SLCO2B1: variants seen among roughly 807,000 people sequenced by gnomAD.
The protein encoded by SLCO2B1 is OATP-RP2.
In SLCO2B1, 41 loss-of-function variants were observed where a neutral mutation model predicts 67.3. That is an observed-to-expected ratio of 0.61 (90% CI 0.47 to 0.79). The LOEUF (loss-of-function observed/expected upper bound fraction) is 0.79. Among genes scored for constraint, SLCO2B1 ranks in the 30% least tolerant of loss-of-function variants. The pLI is 0.00. For synonymous variants in SLCO2B1, 379 were observed against 381.4 expected, an observed-to-expected ratio of 0.99 and a Z score of 0.07; for missense variants, 837 against 920.1, an observed-to-expected ratio of 0.91 and a Z score of 1.17.
intron 1 of SLCO2B1, among the ~76,000 whole-genome samples, chr11:75,161,379 C>A (rs1304435509): frequency 6.6e-6 from 1 of 152,168 alleles, no homozygotes; most frequent in Non-Finnish European, 1.5e-5. Flanking sequence ...AGTTGTATGG[C>A]TTTGTAAATG....
intron 10 of SLCO2B1, among the ~76,000 whole-genome samples, chr11:75,197,826 C>G (rs1356991157): frequency 6.6e-6 from 1 of 152,210 alleles, no homozygotes; most frequent in Non-Finnish European, 1.5e-5. Context: ...GCAATGTAAT[C>G]AGCAGCAGTG....
intron 1 of SLCO2B1, among the ~76,000 whole-genome samples, chr11:75,161,052 A>G (rs1949813961): frequency 6.6e-6 from 1 of 152,222 alleles, no homozygotes; most frequent in South Asian, 2.1e-4. Context: ...ATTGTATATG[A>G]ACATATGACC....
chr11:75,184,667 C>G (rs1024101086), intron 7 of SLCO2B1, among the ~76,000 whole-genome samples: 1 of 152,164 alleles, frequency 6.6e-6, no homozygotes, highest in Non-Finnish European at 1.5e-5. Flanking sequence ...GGAGCCCAGC[C>G]TCCCTAAGTC....
chr11:75,155,471 T>C (rs909154605), intron 1 of SLCO2B1, among the ~76,000 whole-genome samples: 7 of 152,224 alleles, frequency 4.6e-5, no homozygotes, highest in African/African-American at 1.7e-4. Context: ...CTTGTTCTTT[T>C]ATTGAGACGG....
intron 7 of SLCO2B1, among the ~76,000 whole-genome samples, chr11:75,175,042 G>A (rs190691075): frequency 2.0e-5 from 3 of 152,322 alleles, no homozygotes. Context: ...TTTAAGAGCT[G>A]TGTCTCTATG....
intron 7 of SLCO2B1, among the ~76,000 whole-genome samples, chr11:75,177,290 G>A (rs1489323132): frequency 6.6e-6 from 1 of 152,188 alleles, no homozygotes; most frequent in African/African-American, 2.4e-5. Flanking sequence ...AAAGGGTTCT[G>A]TTCCTAAAAA....
rs1027104068 is a variant in SLCO2B1, at chr11:75,163,994, T to A, written c.179T>A (p.Leu60Gln). The A allele has an allele frequency of 3.9e-5, 62 of 1,604,552 alleles. No homozygotes were observed. Among genetic ancestry groups the A allele is most frequent in the Non-Finnish European group, 5.3e-5 (62 of 1,175,708 alleles). Residue 60 changes from leucine to glutamine, a missense_variant, in exon 3 of 14, where the codon CTG becomes CAG. Coordinates refer to ENST00000289575, the MANE Select transcript of SLCO2B1 (RefSeq NM_007256.5). ...GTTCTGTGCCACAGCCTGCTGCAGC[T>A]GGCGCAGCTCATGATCTCCGGCTAC... Reference protein sequence around the residue: ...LFVLCHSLLQLAQLMISGYLK... With the variant: ...LFVLCHSLLQQAQLMISGYLK...
chr11:75,157,886 G>A (rs1949766042), intron 1 of SLCO2B1, among the ~76,000 whole-genome samples: 1 of 152,102 alleles, frequency 6.6e-6, no homozygotes, highest in Admixed American at 6.6e-5. Context: ...TACTGGGCTT[G>A]GTAATTCTCC....
At chr11:75,181,215 G>A (rs1347946327) in intron 7 of SLCO2B1, among the ~76,000 whole-genome samples, 5 of 151,522 alleles carry the variant, frequency 3.3e-5, no homozygotes, top group Non-Finnish European at 5.9e-5. Flanking sequence ...CTAAAAATAC[G>A]AAAAATTAGC....
At chr11:75,181,974 C>G (rs1950096936) in intron 7 of SLCO2B1, among the ~76,000 whole-genome samples, 1 of 152,220 alleles carries the variant, frequency 6.6e-6, no homozygotes, top group South Asian at 2.1e-4. Context: ...TCCCAATAGC[C>G]ACAGAATATA....
Position 75,193,243 on chromosome 11 carries a change from C to T in SLCO2B1, c.1101C>T (p.Thr367=). ...TCTTCCCCAGGGTGCTGCTGCAGAC[C>T]CTACGCCACCCCATCTTCCTGCTGG... is the stretch of plus-strand genomic sequence containing the variant. ...IKVFPRVLLQ[T]LRHPIFLLVV... Residue 367 remains threonine, a synonymous_variant, in exon 9 of 14, where the codon ACC becomes ACT. Transcript: ENST00000289575. The surrounding 1 kb of genome is among the most constrained non-coding windows in gnomAD (Gnocchi z 4.2). 3 of 1,612,914 alleles carry T rather than the reference C, an allele frequency of 1.9e-6. No homozygotes were observed. Among genetic ancestry groups the T allele is most frequent in the Non-Finnish European group, 1.7e-6 (2 of 1,179,716 alleles).
chr11:75,167,654 G>A (rs143462063), intron 4 of SLCO2B1, among the ~76,000 whole-genome samples: 128 of 152,246 alleles, frequency 8.4e-4, no homozygotes, highest in Admixed American at 2.2e-3. Flanking sequence ...TCTAATAATT[G>A]TTGCATCTAA....
Position 75,151,222 on chromosome 11 carries a change from ACTGACCCCGTGTCTGGAG to A in SLCO2B1, c.-157_-140del. 1.6e-6 allele frequency: 1 copy of A among 636,434 alleles called. No homozygotes were observed. Among genetic ancestry groups the A allele is most frequent in the South Asian group, 1.9e-5 (1 of 51,600 alleles). The allele number at this position is 636,434 out of a possible 1,614,324, so 39.4% of individuals were successfully genotyped here. On this transcript the variant is annotated 5_prime_UTR_variant, in exon 1 of 14. Transcript: ENST00000289575. ...TGATGTCCTGTGTGGCCCAAGAAGA[ACTGACCCCGTGTCTGGAG>A]CTCCCACCGTTATTGCATCCCTGCT...
rs1949936696 is a variant in SLCO2B1 at position 75,169,675 on chromosome 11, T to G, written c.692T>G (p.Phe231Cys). The change falls in exon 6 of 14, where the codon TTT becomes TGT. Residue 231 changes from phenylalanine (F) to cysteine (C), a missense_variant. Physicochemically the swap from Phe to Cys is radical, Grantham distance 205. Transcript: ENST00000289575. ...AGGCTTTGTGTTGTAGGGATCCTGT[T>G]TGCAGTGACCATGATGGGGCCAGGC... ...SNSPLYLGIL[F>C]AVTMMGPGLA... 4 of 1,612,834 alleles carry G rather than the reference T, an allele frequency of 2.5e-6. No individual in the cohort carries two copies. Among genetic ancestry groups the G allele is most frequent in the Non-Finnish European group, 3.4e-6 (4 of 1,179,322 alleles).
chr11:75,185,196 T>C (rs1950134480), intron 7 of SLCO2B1, among the ~76,000 whole-genome samples: 1 of 152,150 alleles, frequency 6.6e-6, no homozygotes. Context: ...TTCTGAAATG[T>C]GGGGAAATCC....
In SLCO2B1 at chr11:75,167,792, T is replaced by C. The variant is rs188933273; in HGVS notation, c.449-1381T>C. Among the ~76,000 whole-genome samples the C allele has an allele frequency of 3.0e-4, 45 of 152,236 alleles. No individual in the cohort carries two copies. In the East Asian group the frequency reaches 6.2e-3, roughly 21 times the overall value. On this transcript the variant is annotated intron_variant, in intron 4 of 13. Transcript: ENST00000289575. The stretch of plus-strand genomic sequence containing the variant: ...ACCAAGGCTCAGAGAGGGGAGGAAC[T>C]GCCCCAAGGACACACCCAGGTAGCC...
chr11:75,162,649 C>T lies in SLCO2B1; in HGVS notation c.17-6C>T. On this transcript the variant is annotated splice_region_variant and splice_polypyrimidine_tract_variant and intron_variant, in intron 1 of 13. Transcript: ENST00000289575. Reference sequence around the variant, plus strand: ...TATTCTCTTTCCCTGGTTTTCTGTCCCTCAGGGCCAGCGGGTGAGGTACCC... The same window carrying T: ...TATTCTCTTTCCCTGGTTTTCTGTCTCTCAGGGCCAGCGGGTGAGGTACCC... 1 of 1,611,994 alleles carries T rather than the reference C, an allele frequency of 6.2e-7. No individual in the cohort carries two copies. Among genetic ancestry groups the T allele is most frequent in the Non-Finnish European group, 8.5e-7 (1 of 1,179,172 alleles).
intron 1 of SLCO2B1, among the ~76,000 whole-genome samples, chr11:75,152,876 T>C (rs1439229990): frequency 6.6e-6 from 1 of 152,042 alleles, no homozygotes; most frequent in Non-Finnish European, 1.5e-5. Flanking sequence ...GGTGTGGGAA[T>C]GTGGGTGGGG....
At chr11:75,195,957 G>A (rs1218205212) in intron 9 of SLCO2B1, among the ~76,000 whole-genome samples, 3 of 152,194 alleles carry the variant, frequency 2.0e-5, no homozygotes, top group African/African-American at 7.2e-5. Context: ...AGGGATTTGG[G>A]AACAGGCCCT....
Sources: allele counts gnomAD v4.1 joint callset (sites outside exome capture counted in the v4.1 genomes callset), GRCh38; gene constraint gnomAD v4.1.1; non-coding constraint Gnocchi (gnomAD v3.1); transcripts MANE v1.5; gene names NCBI Gene and HGNC (gene_info 2026-07-23, HGNC 2026-07-21).